Variants in RBM48 observed in about 807,000 individuals in gnomAD.
The protein encoded by RBM48 is RNA-binding protein 48.
RBM48 carries 32 observed loss-of-function variants against 34.8 expected under a neutral mutation model. The ratio of observed to expected loss-of-function variants is 0.92; its 90% CI spans 0.69 to 1.23. The LOEUF is 1.23. Among genes scored for constraint, RBM48 ranks in the 50% most tolerant of loss-of-function variants. The pLI, the probability that RBM48 is intolerant of heterozygous loss-of-function variation, is 0.00. For synonymous variants in RBM48, 151 were observed against 156.2 expected (o/e 0.97, Z 0.25); for missense variants, 441 against 447.2 (o/e 0.99, Z 0.12).
At position 92,528,795 on chromosome 7, in the gene RBM48, G is replaced by T. The variant is rs1267501384; in HGVS notation, c.-19G>T. 1.2e-6 allele frequency: 2 copies of T among 1,603,192 alleles called. No homozygotes were observed. The highest frequency in any genetic ancestry group is 8.5e-7 in the Non-Finnish European group (1 of 1,170,396). ...GTAGGGCGGATGTTGTCCTCCCTGC[G>T]AGGATCAAAGTAGGCAAGATGGCGT... On this transcript the variant is annotated 5_prime_UTR_variant, in exon 1 of 5. Transcript: ENST00000265732.
In RBM48 at chr7:92,537,185, C is replaced by T. The variant is rs556561244; in HGVS notation, c.*248C>T. 8.6e-4 allele frequency: 217 copies of T among 253,432 alleles called. No homozygotes were observed. The highest frequency in any genetic ancestry group is 4.6e-3 in the African/African-American group (198 of 43,320). 15.7% of individuals were successfully genotyped at this position (253,432 alleles called of 1,614,324 possible). On this transcript the variant is annotated 3_prime_UTR_variant, in exon 5 of 5. Transcript: ENST00000265732. ...GCAACCTCCACCTCCCGGGTTCAAG[C>T]GATTCTCCTGCCTCAGCCTCCTGAG...
At chr7:92,531,263 G>T (rs564399180) in intron 2 of RBM48, among the ~76,000 whole-genome samples, 1 of 152,166 alleles carries the variant, frequency 6.6e-6, no homozygotes, top group Non-Finnish European at 1.5e-5. Flanking sequence ...ATATAAAGGT[G>T]TATCCTGGTC....
Position 92,529,463 on chromosome 7 carries a change from G to T in RBM48, c.112-13G>T, listed in dbSNP as rs1305912881. ...TTTGCGAAATACGTTTAATAACTCTGCATTTCTTTCAGGTATATACAATCA... is the reference window on the plus strand; with the variant it reads ...TTTGCGAAATACGTTTAATAACTCTTCATTTCTTTCAGGTATATACAATCA... On this transcript the variant is annotated splice_polypyrimidine_tract_variant and intron_variant, in intron 1 of 4. Transcript: ENST00000265732. 5.3e-6 allele frequency: 8 copies of T among 1,518,926 alleles called. No individual in the cohort carries two copies. The highest frequency in any genetic ancestry group is 4.5e-6 in the Non-Finnish European group (5 of 1,110,882). 94.1% of individuals were successfully genotyped at this position (1,518,926 alleles called of 1,614,324 possible).
chr7:92,529,009 C>T (rs1793458929), intron 1 of RBM48, 85 bp downstream of exon 1: 3 of 954,890 alleles, frequency 3.1e-6, no homozygotes, highest in Non-Finnish European at 5.0e-6. Context: ...GAAATAAAGG[C>T]ACGACAAGGC....
chr7:92,534,982 T>G lies in RBM48; in HGVS notation c.1017+12T>G. Reference sequence around the variant, plus strand: ...ATAAACTTAAAGAGGTAAGGTTATTTTTAAAAAACTATTCTAAGACACGAT... The same window carrying G: ...ATAAACTTAAAGAGGTAAGGTTATTGTTAAAAAACTATTCTAAGACACGAT... On this transcript the variant is annotated intron_variant, in intron 4 of 4. Coordinates refer to ENST00000265732, the MANE Select transcript of RBM48 (RefSeq NM_032120.4). The G allele has an allele frequency of 6.2e-7, 1 of 1,613,580 alleles. No individual in the cohort carries two copies. The highest frequency in any genetic ancestry group is 8.5e-7 in the Non-Finnish European group (1 of 1,179,682).
Position 92,537,281 on chromosome 7 carries a change from T to C in RBM48, c.*344T>C, listed in dbSNP as rs1793742737. 6.1e-6 allele frequency: 1 copy of C among 164,438 alleles called. No individual in the cohort carries two copies. The allele number at this position is 164,438 out of a possible 1,614,324, so 10.2% of individuals were successfully genotyped here. ...TGTTTTTTTTAGTAGAGATGGGTTT[T>C]CACCATATTGGTCAGGCTGGTCTCG... On this transcript the variant is annotated 3_prime_UTR_variant, in exon 5 of 5. Coordinates refer to ENST00000265732, the MANE Select transcript of RBM48 (RefSeq NM_032120.4).
chr7:92,534,209 GATGCTAT>G (rs764606770), intron 3 of RBM48, 186 bp from the exon 4 acceptor site: 12 of 754,986 alleles, frequency 1.6e-5, no homozygotes, highest in Admixed American at 2.8e-5. Context: ...GGTGACACTT[GATGCTAT>G]ATATCTTTTT....
At chr7:92,532,623 G>A in intron 3 of RBM48, 74 bp downstream of exon 3, 1 of 1,100,850 alleles carries the variant, frequency 9.1e-7, no homozygotes, top group Non-Finnish European at 1.3e-6. Context: ...GCAATTCCCA[G>A]TCTAGTGGTA....
At chr7:92,534,132 C>T (rs1793643366) in intron 3 of RBM48, 3 of 408,478 alleles carry the variant, frequency 7.3e-6, no homozygotes, top group Admixed American at 4.2e-5. Context: ...ACATATTGAA[C>T]AGATAAATAA....
chr7:92,533,676 C>T (rs1386473587), intron 3 of RBM48, among the ~76,000 whole-genome samples: 1 of 152,174 alleles, frequency 6.6e-6, no homozygotes, highest in Non-Finnish European at 1.5e-5. Context: ...CGTGGTCTTA[C>T]TTTTCAAAAA....
intron 4 of RBM48, 98 bp from the exon 5 acceptor site, chr7:92,536,753 G>T (rs562242774): frequency 2.1e-6 from 3 of 1,408,152 alleles, no homozygotes; most frequent in South Asian, 1.7e-5. Flanking sequence ...TGACATCAAG[G>T]ATTGAACTAT....
chr7:92,535,922 C>A, intron 4 of RBM48: 3 of 621,658 alleles, frequency 4.8e-6, no homozygotes, highest in Non-Finnish European at 6.0e-6. Flanking sequence ...ATTGCTTGAG[C>A]CCAGGAGTCT....
At chr7:92,529,921 G>T (rs1793510166) in intron 2 of RBM48, among the ~76,000 whole-genome samples, 1 of 152,174 alleles carries the variant, frequency 6.6e-6, no homozygotes. Context: ...GCTCACGCCT[G>T]CAATCCCAGC....
chr7:92,540,234 A>T lies in RBM48; in HGVS notation c.*3297A>T, dbSNP rs1793828398. 1 of 152,162 alleles carries T rather than the reference A, an allele frequency of 6.6e-6. No homozygotes were observed. The highest frequency in any genetic ancestry group is 1.5e-5 in the Non-Finnish European group (1 of 68,028). The allele number at this position is 152,162 out of a possible 1,614,324, so 9.4% of individuals were successfully genotyped here. A position where few individuals can be genotyped will look rare whatever the true frequency, so the allele number is the denominator to read the frequency against. On this transcript the variant is annotated 3_prime_UTR_variant, in exon 5 of 5. Transcript: ENST00000265732. ...CTCTGACCCTTTAAAATTTTTCCTG[A>T]ATCTATATGGGCTATTGGCACTAGT...
At position 92,539,349 on chromosome 7, in the gene RBM48, ATGAGT is replaced by A. The variant is rs1436388992; in HGVS notation, c.*2417_*2421del. Among the ~76,000 whole-genome samples the A allele has an allele frequency of 3.3e-5, 5 of 152,234 alleles. No individual in the cohort carries two copies. Among genetic ancestry groups the A allele is most frequent in the South Asian group, 4.1e-4 (2 of 4,834 alleles). On this transcript the variant is annotated 3_prime_UTR_variant, in exon 5 of 5. Coordinates refer to ENST00000265732, the MANE Select transcript of RBM48 (RefSeq NM_032120.4). ...ACAGGGAGACAAATAAATTAAAGAG[ATGAGT>A]TGAGGTGGATAAGGATAGCTTAATA...
chr7:92,528,825 C>T lies in RBM48; in HGVS notation c.12C>T (p.Ser4=). 1.9e-6 allele frequency: 3 copies of T among 1,613,816 alleles called. No individual in the cohort carries two copies. The highest frequency in any genetic ancestry group is 2.5e-6 in the Non-Finnish European group (3 of 1,179,812). Residue 4 remains serine (S), a synonymous_variant, in exon 1 of 5, where the codon AGC becomes AGT. Coordinates refer to ENST00000265732, the MANE Select transcript of RBM48 (RefSeq NM_032120.4). MAS[S]GGELGSLFDH... is the part of the protein sequence containing the mutation. The stretch of plus-strand genomic sequence containing the variant: ...TCAAAGTAGGCAAGATGGCGTCGAG[C>T]GGCGGGGAGCTAGGGAGTTTATTTG...
chr7:92,534,936 C>T lies in RBM48; in HGVS notation c.983C>T (p.Thr328Ile). 6.2e-7 allele frequency: 1 copy of T among 1,614,140 alleles called. No individual in the cohort carries two copies. The highest frequency in any genetic ancestry group is 1.1e-5 in the South Asian group (1 of 91,070). The change falls in exon 4 of 5, where the codon ACA (threonine) becomes ATA (isoleucine). Residue 328 changes from threonine (T) to isoleucine (I), a missense_variant. Thr to Ile is a moderately conservative substitution (Grantham distance 89). Coordinates refer to ENST00000265732, the MANE Select transcript of RBM48 (RefSeq NM_032120.4). The stretch of plus-strand genomic sequence containing the variant: ...GATATGCACGATGACTCATTGAATA[C>T]AACGGCGAATTTAATTCGGCATAAA... ...KVDMHDDSLN[T>I]TANLIRHKLK...
chr7:92,534,781 T>C lies in RBM48; in HGVS notation c.828T>C (p.Pro276=), dbSNP rs761948094. The part of the protein sequence containing the change: ...TSSEAVDRFM[P]RTTQLQERKR... ...CAGAGGCAGTTGACAGATTTATGCC[T>C]AGGACAACACAACTGCAGGAGCGCA... The change falls in exon 4 of 5, where the codon CCT becomes CCC. Residue 276 remains proline, a synonymous_variant. Transcript: ENST00000265732. 3.1e-6 allele frequency: 5 copies of C among 1,614,136 alleles called. No individual in the cohort carries two copies. Among genetic ancestry groups the C allele is most frequent in the South Asian group, 1.1e-5 (1 of 91,074 alleles).
intron 2 of RBM48, among the ~76,000 whole-genome samples, chr7:92,530,232 G>A (rs574435919): frequency 2.0e-5 from 3 of 149,734 alleles, no homozygotes; most frequent in South Asian, 4.3e-4. Context: ...GGTGACTCAC[G>A]CCTGTAATCC....
Sources: gnomAD v4.1 joint callset for allele counts (sites outside exome capture counted in the v4.1 genomes callset) on GRCh38, gnomAD v4.1.1 for gene constraint, MANE v1.5 for transcripts, NCBI Gene and HGNC (gene_info 2026-07-23, HGNC 2026-07-21) for gene names.